CMC2: variants seen among roughly 807,000 people sequenced by gnomAD.
CMC2 encodes C-X9-C motif containing 2.
In CMC2, 5 loss-of-function variants were observed where a neutral mutation model predicts 7.5. The ratio of observed to expected loss-of-function variants is 0.66; its 90% CI spans 0.35 to 1.40. The LOEUF (loss-of-function observed/expected upper bound fraction) is 1.40. Among genes scored for constraint, CMC2 ranks in the 40% most tolerant of loss-of-function variants. The pLI, the probability that CMC2 is intolerant of heterozygous loss-of-function variation, is 0.04. For missense variants in CMC2, 115 were observed against 92.3 expected (o/e 1.25, Z -1.01); for synonymous variants, 37 against 31.4 (o/e 1.18, Z -0.60).
Position 80,974,536 on chromosome 16 carries a change from C to G in CMC2, c.*1557G>C, listed in dbSNP as rs1253821012. ...CCCATATTCTAGTCATGCTAAATGCCTTAAAGTGCGCCTCAGAATGTATCC... is the reference window on the plus strand; with the variant it reads ...CCCATATTCTAGTCATGCTAAATGCGTTAAAGTGCGCCTCAGAATGTATCC... On this transcript the variant is annotated 3_prime_UTR_variant, in exon 4 of 4. Transcript: ENST00000219400. 6.6e-6 allele frequency: 1 copy of G among 151,044 alleles called. No homozygotes were observed. Among genetic ancestry groups the G allele is most frequent in the Non-Finnish European group, 1.5e-5 (1 of 68,020 alleles). The allele number at this position is 151,044 out of a possible 1,614,324, so 9.4% of individuals were successfully genotyped here.
Position 80,993,226 on chromosome 16 carries a change from T to C in CMC2, c.81+4088A>G, listed in dbSNP as rs79948329. On this transcript the variant is annotated intron_variant, in intron 2 of 3. Coordinates refer to ENST00000219400, the MANE Select transcript of CMC2 (RefSeq NM_020188.5). ...TATATAAAACAACTATTTTCAGATA[T>C]TGGGACAACAGACTACAGGACTGTG... Among the ~76,000 whole-genome samples the C allele has an allele frequency of 6.7e-4, 102 of 152,330 alleles. 1 individual carries two copies. In the East Asian group the frequency reaches 0.019, roughly 28 times the overall value.
chr16:80,990,536 T>C (rs1413976495), intron 2 of CMC2, among the ~76,000 whole-genome samples: 2 of 152,188 alleles, frequency 1.3e-5, no homozygotes, highest in East Asian at 3.9e-4. Context: ...TCTCAGAACG[T>C]AATCAATCTC....
chr16:80,971,599 C>CATATATATATATAT lies in CMC2; in HGVS notation c.*4493_*4494insATATATATATATAT, dbSNP rs947816734. The CATATATATATATAT allele has an allele frequency of 1.0e-3, 113 of 113,180 alleles. No individual in the cohort carries two copies. The East Asian group carries it at 0.014, about 14-fold the overall frequency. The allele number at this position is 113,180 out of a possible 1,614,324, so 7.0% of individuals were successfully genotyped here. On this transcript the variant is annotated 3_prime_UTR_variant, in exon 4 of 4. Coordinates refer to ENST00000219400, the MANE Select transcript of CMC2 (RefSeq NM_020188.5). Reference sequence around the variant, plus strand: ...ATATATATATATGTATGAAATCATGCATATATATATATGTATGAAATCATG... The same window carrying CATATATATATATAT: ...ATATATATATATGTATGAAATCATGCATATATATATATATATATATATATATGTATGAAATCATG...
intron 2 of CMC2, among the ~76,000 whole-genome samples, chr16:80,993,887 G>C (rs1332324742): frequency 1.3e-5 from 2 of 152,120 alleles, no homozygotes; most frequent in East Asian, 3.9e-4. Flanking sequence ...ACTTAGAATA[G>C]CCAAAACAAC....
At chr16:80,987,767 C>T (rs1039236927) in intron 2 of CMC2, among the ~76,000 whole-genome samples, 4 of 152,156 alleles carry the variant, frequency 2.6e-5, no homozygotes, top group African/African-American at 4.8e-5. Flanking sequence ...AGCATTCCAG[C>T]ACAGACAGGG....
At chr16:81,005,252 C>G (rs1969181958) in intron 1 of CMC2, among the ~76,000 whole-genome samples, 1 of 152,154 alleles carries the variant, frequency 6.6e-6, no homozygotes, top group South Asian at 2.1e-4. Flanking sequence ...GAATCCCCGT[C>G]TCTACTAAAA....
At position 80,967,705 on chromosome 16, in the gene CMC2, T is replaced by C. The variant is rs1238778375; in HGVS notation, c.*8388A>G. The C allele has an allele frequency of 1.3e-5, 2 of 152,230 alleles. No homozygotes were observed. Among genetic ancestry groups the C allele is most frequent in the African/African-American group, 2.4e-5 (1 of 41,462 alleles). 9.4% of individuals were successfully genotyped at this position (152,230 alleles called of 1,614,324 possible). ...GCTCAATAATCCAATCATAGCATTT[T>C]AGGAAATATGGATGCTCTGTAAGCA... On this transcript the variant is annotated 3_prime_UTR_variant, in exon 4 of 4. Transcript: ENST00000219400.
chr16:80,990,796 G>A (rs544392346), intron 2 of CMC2, among the ~76,000 whole-genome samples: 7 of 151,972 alleles, frequency 4.6e-5, no homozygotes, highest in Admixed American at 1.3e-4. Context: ...ATGACTTACT[G>A]CAGCCTTGAC....
At chr16:80,999,406 A>C (rs1882225897) in intron 1 of CMC2, among the ~76,000 whole-genome samples, 1 of 152,234 alleles carries the variant, frequency 6.6e-6, no homozygotes, top group South Asian at 2.1e-4. Flanking sequence ...TGCTGAAAGA[A>C]ATCACAGATG....
At chr16:80,979,097 A>C (rs1567506545) in intron 3 of CMC2, among the ~76,000 whole-genome samples, 1 of 152,108 alleles carries the variant, frequency 6.6e-6, no homozygotes, top group Non-Finnish European at 1.5e-5. Flanking sequence ...TAAAAAAATA[A>C]AAAAGCTTCA....
chr16:80,973,964 C>T lies in CMC2; in HGVS notation c.*2129G>A, dbSNP rs1267465354. ...TCTTATGGTCAGCTACTGACATTGGCCTACAGGGCCTTAGCTGGCATCTGC... is the reference window on the plus strand; with the variant it reads ...TCTTATGGTCAGCTACTGACATTGGTCTACAGGGCCTTAGCTGGCATCTGC... On this transcript the variant is annotated 3_prime_UTR_variant, in exon 4 of 4. Coordinates refer to ENST00000219400, the MANE Select transcript of CMC2 (RefSeq NM_020188.5). 6.6e-6 allele frequency: 1 copy of T among 152,168 alleles called. No homozygotes were observed. The highest frequency in any genetic ancestry group is 1.5e-5 in the Non-Finnish European group (1 of 68,034). 9.4% of individuals were successfully genotyped at this position (152,168 alleles called of 1,614,324 possible). A position where few individuals can be genotyped will look rare whatever the true frequency, so the allele number is the denominator to read the frequency against.
intron 3 of CMC2, among the ~76,000 whole-genome samples, chr16:80,979,014 G>C (rs1036296770): frequency 1.3e-5 from 2 of 152,052 alleles, no homozygotes; most frequent in Non-Finnish European, 2.9e-5. Flanking sequence ...CCGGGAGGAG[G>C]AGCTTGCAGT....
At chr16:81,002,739 G>T (rs541531555) in intron 1 of CMC2, among the ~76,000 whole-genome samples, 1 of 152,238 alleles carries the variant, frequency 6.6e-6, no homozygotes, top group African/African-American at 2.4e-5. Context: ...GTCAATCAGG[G>T]TAGGGTACCA....
exon 1 of CMC2, chr16:81,006,884 TCCTCGC>T (rs1223144210): frequency 2.0e-6 from 2 of 985,434 alleles, no homozygotes; most frequent in Non-Finnish European, 2.4e-6. Context: ...TGCTCCCGGC[TCCTCGC>T]CCCCGCCGCC....
chr16:81,003,270 T>C (rs1968999837), intron 1 of CMC2, among the ~76,000 whole-genome samples: 1 of 152,254 alleles, frequency 6.6e-6, no homozygotes, highest in Non-Finnish European at 1.5e-5. Context: ...AAAATATATT[T>C]AACAAACTGA....
intron 1 of CMC2, chr16:80,998,697 T>C (rs993111480): frequency 1.3e-5 from 2 of 152,148 alleles, no homozygotes; most frequent in Non-Finnish European, 2.9e-5. Flanking sequence ...AGCCTTAAAA[T>C]GGAAGGAAAT....
intron 2 of CMC2, chr16:80,988,407 T>C: frequency 1.6e-6 from 1 of 606,278 alleles, no homozygotes. Context: ...TTAGGTAAAG[T>C]ATTTCTTGAT....
At chr16:80,982,089 T>C (rs1967163246) in intron 2 of CMC2, among the ~76,000 whole-genome samples, 1 of 152,118 alleles carries the variant, frequency 6.6e-6, no homozygotes, top group Non-Finnish European at 1.5e-5. Context: ...TTTCTTTCAA[T>C]AAATATATTG....
rs747059604 is a variant in CMC2, at chr16:80,974,731, A to G, written c.*1362T>C. ...AGTCAACTTTTCAGTTAACTACAAGATTCTAAAGGCAAAATGTCTCATTTC... is the reference window on the plus strand; with the variant it reads ...AGTCAACTTTTCAGTTAACTACAAGGTTCTAAAGGCAAAATGTCTCATTTC... On this transcript the variant is annotated 3_prime_UTR_variant, in exon 4 of 4. Coordinates refer to ENST00000219400, the MANE Select transcript of CMC2 (RefSeq NM_020188.5). The G allele has an allele frequency of 6.6e-6, 1 of 152,196 alleles. No homozygotes were observed. Among genetic ancestry groups the G allele is most frequent in the Non-Finnish European group, 1.5e-5 (1 of 68,034 alleles). 9.4% of individuals were successfully genotyped at this position (152,196 alleles called of 1,614,324 possible).
Sources: gnomAD v4.1 joint callset for allele counts (sites outside exome capture counted in the v4.1 genomes callset) on GRCh38, gnomAD v4.1.1 for gene constraint, MANE v1.5 for transcripts, NCBI Gene and HGNC (gene_info 2026-07-23, HGNC 2026-07-21) for gene names.